The following COL22A1 variants were observed in gnomAD, a reference collection of about 807,000 sequenced individuals.
The protein encoded by COL22A1 is collagen alpha-1(XXII) chain.
A neutral mutation model predicts 248.9 loss-of-function variants in COL22A1; 221 were observed. That is an observed-to-expected ratio of 0.89 (90% CI 0.80 to 0.99). The LOEUF (loss-of-function observed/expected upper bound fraction) is 0.99, where lower values mean the gene tolerates loss of function less well. COL22A1 is among the 50% of genes least tolerant of loss of function. The pLI is 0.00. For missense variants in COL22A1, 2,240 were observed against 2,179.0 expected, an observed-to-expected ratio of 1.03 and a Z score of -0.56; for synonymous variants, 891 against 793.4, an observed-to-expected ratio of 1.12 and a Z score of -2.07.
intron 16 of COL22A1, among the ~76,000 whole-genome samples, chr8:138,775,470 C>T (rs1034098472): frequency 1.2e-4 from 18 of 152,166 alleles, no homozygotes; most frequent in Non-Finnish European, 2.1e-4. Context: ...TTTAAGAGCC[C>T]GAGTGTGGGC....
chr8:138,736,398 C>A lies in COL22A1; in HGVS notation c.2139+1126G>T, dbSNP rs1396238850. ...CACACTGTGGTACCCTGTGGGGGAC[C>A]CATGGTGATGCTGCATTTGAAAATA... On this transcript the variant is annotated intron_variant, in intron 23 of 64. Coordinates refer to ENST00000303045, the MANE Select transcript of COL22A1 (RefSeq NM_152888.3). 2.0e-5 allele frequency among the ~76,000 whole-genome samples: 3 copies of A among 151,888 alleles called. No homozygotes were observed. In the East Asian group the frequency reaches 5.9e-4, roughly 30 times the overall value.
At chr8:138,713,251 G>C (rs1239384512) in intron 30 of COL22A1, among the ~76,000 whole-genome samples, 6 of 152,096 alleles carry the variant, frequency 3.9e-5, no homozygotes, top group Non-Finnish European at 8.8e-5. Context: ...GGGTGGGGGG[G>C]CGGTGCTTTA....
chr8:138,673,402 G>T (rs1328061245), intron 41 of COL22A1, among the ~76,000 whole-genome samples: 1 of 151,918 alleles, frequency 6.6e-6, no homozygotes, highest in Non-Finnish European at 1.5e-5. Flanking sequence ...TAGAGACAGG[G>T]TTTCACCATG....
At chr8:138,870,211 A>C (rs1232215354) in intron 3 of COL22A1, among the ~76,000 whole-genome samples, 1 of 151,052 alleles carries the variant, frequency 6.6e-6, no homozygotes, top group Admixed American at 6.6e-5. Context: ...AGCTGTGTAC[A>C]TTGTATGTAT....
At chr8:138,724,561 C>CA in intron 25 of COL22A1, 54 bp downstream of exon 25, 1 of 1,562,694 alleles carries the variant, frequency 6.4e-7, no homozygotes, top group Non-Finnish European at 8.8e-7. Flanking sequence ...GTGCTCCCCC[C>CA]AGAGCAATGG....
At chr8:138,749,071 C>T (rs1475866503) in intron 22 of COL22A1, among the ~76,000 whole-genome samples, 1 of 152,172 alleles carries the variant, frequency 6.6e-6, no homozygotes, top group African/African-American at 2.4e-5. Context: ...TTGCCTGCTG[C>T]CATGTAAGGC....
intron 43 of COL22A1, 130 bp downstream of exon 43, chr8:138,661,900 T>C (rs1381001797): frequency 3.5e-6 from 2 of 578,410 alleles, no homozygotes; most frequent in Non-Finnish European, 6.1e-6. Context: ...TCCATGGGGC[T>C]TCCTGGAAAT....
chr8:138,878,273 G>T lies in COL22A1; in HGVS notation c.135C>A (p.Thr45=), dbSNP rs549175477. The T allele has an allele frequency of 1.1e-5, 18 of 1,580,714 alleles. No individual in the cohort carries two copies. Among genetic ancestry groups the T allele is most frequent in the Non-Finnish European group, 1.4e-5 (16 of 1,163,230 alleles). ...VHYDLVFLLD[T]SSSVGKEDFE... Reference sequence around the variant, plus strand: ...AGTCCTCCTTGCCCACGCTGGAGGAGGTGTCCAGGAGGAAGACCAGATCGT... The same window carrying T: ...AGTCCTCCTTGCCCACGCTGGAGGATGTGTCCAGGAGGAAGACCAGATCGT... The change falls in exon 3 of 65, where the codon ACC becomes ACA. Residue 45 remains threonine (T), a synonymous_variant. Coordinates refer to ENST00000303045, the MANE Select transcript of COL22A1 (RefSeq NM_152888.3).
At chr8:138,599,162 G>A (rs937187406) in intron 60 of COL22A1, among the ~76,000 whole-genome samples, 1 of 152,108 alleles carries the variant, frequency 6.6e-6, no homozygotes, top group Non-Finnish European at 1.5e-5. Context: ...CTAATACGGT[G>A]AAACCCTGTC....
chr8:138,836,310 G>A (rs1242652023), intron 4 of COL22A1, among the ~76,000 whole-genome samples: 2 of 151,898 alleles, frequency 1.3e-5, no homozygotes, highest in Non-Finnish European at 2.9e-5. Flanking sequence ...AAAGGGAAAG[G>A]GAAAAGGAAA....
intron 23 of COL22A1, among the ~76,000 whole-genome samples, chr8:138,736,938 G>A (rs1334536849): frequency 6.6e-6 from 1 of 152,156 alleles, no homozygotes; most frequent in East Asian, 1.9e-4. Context: ...AGGCCTCTTA[G>A]CTCCTATGAT....
chr8:138,598,253 G>A (rs371108599), intron 61 of COL22A1, among the ~76,000 whole-genome samples: 8 of 152,174 alleles, frequency 5.3e-5, no homozygotes, highest in East Asian at 1.9e-4. Context: ...GCAGGGGGAC[G>A]AAGGAGTACT....
chr8:138,615,049 T>A (rs1819197477), intron 55 of COL22A1, among the ~76,000 whole-genome samples: 1 of 152,190 alleles, frequency 6.6e-6, no homozygotes. Flanking sequence ...GATGCCACTC[T>A]GCATCTCACA....
At chr8:138,856,976 A>C (rs1586900578) in intron 3 of COL22A1, among the ~76,000 whole-genome samples, 3 of 144,584 alleles carry the variant, frequency 2.1e-5, no homozygotes, top group Non-Finnish European at 3.0e-5. Context: ...TCCCCATCCC[A>C]CTCTCCCCCA....
intron 1 of COL22A1, among the ~76,000 whole-genome samples, chr8:138,910,381 T>A (rs1030651222): frequency 1.3e-5 from 2 of 152,104 alleles, no homozygotes; most frequent in African/African-American, 4.8e-5. Flanking sequence ...AAATGCTGGA[T>A]CCTAGGTGGG....
chr8:138,866,671 T>C (rs1312724515), intron 3 of COL22A1, among the ~76,000 whole-genome samples: 2 of 152,238 alleles, frequency 1.3e-5, no homozygotes, highest in East Asian at 1.9e-4. Flanking sequence ...GACAGAGTGA[T>C]GTGGCTGGTA....
At chr8:138,732,062 C>T (rs10112907) in intron 23 of COL22A1, among the ~76,000 whole-genome samples, 1 of 152,158 alleles carries the variant, frequency 6.6e-6, no homozygotes, top group African/African-American at 2.4e-5. Flanking sequence ...CAATATTGAA[C>T]TCATTTTCTA....
chr8:138,663,805 G>GAATAAACACCATAGCT, intron 41 of COL22A1, 65 bp from the exon 42 acceptor site: 1 of 1,281,204 alleles, frequency 7.8e-7, no homozygotes, highest in Non-Finnish European at 1.1e-6. Flanking sequence ...ACAAGCTATG[G>GAATAAACACCATAGCT]TGTTTATTCC....
At chr8:138,744,478 ACAC>A (rs981055506) in intron 22 of COL22A1, among the ~76,000 whole-genome samples, 2 of 148,488 alleles carry the variant, frequency 1.3e-5, no homozygotes, top group African/African-American at 5.3e-5. Flanking sequence ...ACACACACAC[ACAC>A]CACACACACA....
Sources: allele counts gnomAD v4.1 joint callset (sites outside exome capture counted in the v4.1 genomes callset), GRCh38; gene constraint gnomAD v4.1.1; transcripts MANE v1.5; gene names NCBI Gene and HGNC (gene_info 2026-07-23, HGNC 2026-07-21).